The following ACOT9 variants were observed in gnomAD, a reference collection of about 807,000 sequenced individuals.
ACOT9 encodes the protein acyl-CoA thioesterase 9.
ACOT9 carries 34 observed loss-of-function variants against 39.7 expected under a neutral mutation model. That is an observed-to-expected ratio of 0.86 (90% CI 0.65 to 1.14). The LOEUF (loss-of-function observed/expected upper bound fraction) is 1.14, where lower values mean the gene tolerates loss of function less well. Among genes scored for constraint, ACOT9 ranks in the 50% most tolerant of loss-of-function variants. The pLI is 0.00. For missense variants in ACOT9, 313 were observed against 344.1 expected (o/e 0.91, Z 0.71); for synonymous variants, 110 against 120.5 (o/e 0.91, Z 0.57).
At chrX:23,722,264 T>C (rs1929344310) in intron 7 of ACOT9, among the ~76,000 whole-genome samples, 1 of 111,891 alleles carries the variant, frequency 8.9e-6, no homozygotes, top group Non-Finnish European at 1.9e-5. Context: ...CATATATACA[T>C]TAAAATTCCC....
chrX:23,702,786 G>A lies in ACOT9; in HGVS notation c.*1108C>T, dbSNP rs995456174. 1 of 111,794 alleles carries A rather than the reference G, an allele frequency of 8.9e-6. No individual in the cohort carries two copies. Among genetic ancestry groups the A allele is most frequent in the African/African-American group, 3.2e-5 (1 of 30,770 alleles). 9.2% of individuals were successfully genotyped at this position (111,794 alleles called of 1,213,427 possible). ...TCCCGAGTGGCCTAACCCTAAGGGG[G>A]GTTACAGAACCTGCCTCATAGTGTT... On this transcript the variant is annotated 3_prime_UTR_variant, in exon 16 of 16. Transcript: ENST00000379303.
intron 4 of ACOT9, among the ~76,000 whole-genome samples, chrX:23,732,705 G>A (rs1013103786): frequency 9.0e-6 from 1 of 111,027 alleles, no homozygotes; most frequent in Non-Finnish European, 1.9e-5. Context: ...GAAATACTGC[G>A]AGAAAGAGAA....
chrX:23,716,869 T>C (rs1278702855), intron 8 of ACOT9, among the ~76,000 whole-genome samples: 1 of 108,246 alleles, frequency 9.2e-6, no homozygotes, highest in Non-Finnish European at 1.9e-5. Context: ...GTACTTTTTT[T>C]TTTGAGACCG....
At chrX:23,725,850 A>G (rs1929501663) in intron 6 of ACOT9, among the ~76,000 whole-genome samples, 1 of 110,763 alleles carries the variant, frequency 9.0e-6, no homozygotes, top group African/African-American at 3.3e-5. Flanking sequence ...AAGATTTAAC[A>G]ATTTTATTGT....
Position 23,735,240 on chromosome X carries a change from C to CA in ACOT9, c.118+678dup, listed in dbSNP as rs35950361. Among the ~76,000 whole-genome samples, 173 of 29,142 alleles carry CA rather than the reference C, an allele frequency of 5.9e-3. 19 individuals are homozygous for CA. Among genetic ancestry groups the CA allele is most frequent in the Non-Finnish European group, 8.4e-3 (144 of 17,230 alleles). 25.3% of individuals were successfully genotyped at this position (29,142 alleles called of 115,157 possible). ...TGGGTGACAGAGCAAGACTCCATCCCAAAAAAAAAAAAAAAAAAAAAAAAA... is the reference window on the plus strand; with the variant it reads ...TGGGTGACAGAGCAAGACTCCATCCCAAAAAAAAAAAAAAAAAAAAAAAAAA... On this transcript the variant is annotated intron_variant, in intron 2 of 15. Transcript: ENST00000379303.
chrX:23,722,777 A>C, intron 6 of ACOT9, 24 bp from the exon 7 acceptor site: 1 of 1,030,948 alleles, frequency 9.7e-7, no homozygotes. Flanking sequence ...GGAGTGTACC[A>C]AATTTTAAAA....
chrX:23,738,277 T>C (rs1450684463), intron 1 of ACOT9, among the ~76,000 whole-genome samples: 1 of 110,465 alleles, frequency 9.1e-6, no homozygotes, highest in East Asian at 2.8e-4. Flanking sequence ...TATGCCTTAC[T>C]GAAGGAAACA....
chrX:23,723,804 C>T (rs1403118257), intron 6 of ACOT9, among the ~76,000 whole-genome samples: 2 of 110,651 alleles, frequency 1.8e-5, no homozygotes, highest in African/African-American at 6.6e-5. Flanking sequence ...GCAATAAACT[C>T]CATTTAAAAG....
chrX:23,735,313 G>A (rs1373232759), intron 2 of ACOT9, among the ~76,000 whole-genome samples: 1 of 103,014 alleles, frequency 9.7e-6, no homozygotes, highest in African/African-American at 3.6e-5. Flanking sequence ...GACTACTGAT[G>A]CTCACTGACA....
chrX:23,725,144 T>C (rs912619707), intron 6 of ACOT9, among the ~76,000 whole-genome samples: 12 of 110,511 alleles, frequency 1.1e-4, no homozygotes, highest in African/African-American at 3.9e-4. Flanking sequence ...GTAATATAAA[T>C]GTAGTTTTTA....
At chrX:23,735,798 TATGA>T (rs771595211) in intron 2 of ACOT9, 117 bp downstream of exon 2, 14 of 529,697 alleles carry the variant, frequency 2.6e-5, no homozygotes, top group Admixed American at 2.1e-4. Flanking sequence ...ATGAAATGTT[TATGA>T]AAGATCTACC....
At chrX:23,718,733 G>A (rs1284605160) in intron 8 of ACOT9, among the ~76,000 whole-genome samples, 32 of 108,660 alleles carry the variant, frequency 2.9e-4, no homozygotes, top group African/African-American at 1.0e-3. Flanking sequence ...GTGAAACCCC[G>A]TCTGCACTAA....
intron 11 of ACOT9, 99 bp from the exon 12 acceptor site, chrX:23,705,957 G>A: frequency 1.3e-6 from 1 of 768,366 alleles, no homozygotes; most frequent in African/African-American, 2.0e-5. Context: ...TCAGACAACT[G>A]TGGCTCTGGA....
chrX:23,717,106 C>T (rs1191998014), intron 8 of ACOT9, among the ~76,000 whole-genome samples: 2 of 111,300 alleles, frequency 1.8e-5, no homozygotes, highest in Non-Finnish European at 3.8e-5. Flanking sequence ...TCGCCTGCCT[C>T]GGCCTCCCAA....
intron 1 of ACOT9, among the ~76,000 whole-genome samples, chrX:23,740,439 C>T (rs183327256): frequency 7.7e-4 from 85 of 110,846 alleles, no homozygotes; most frequent in African/African-American, 2.7e-3. Flanking sequence ...ATTTGGTATC[C>T]TATTTACTGA....
intron 8 of ACOT9, among the ~76,000 whole-genome samples, chrX:23,721,373 G>A (rs1246828627): frequency 1.8e-5 from 2 of 111,799 alleles, no homozygotes; most frequent in Non-Finnish European, 3.8e-5. Flanking sequence ...GATTACAGGC[G>A]TGAGCCACTG....
intron 11 of ACOT9, among the ~76,000 whole-genome samples, chrX:23,706,385 C>A (rs930929211): frequency 3.7e-5 from 4 of 108,920 alleles, no homozygotes; most frequent in Non-Finnish European, 7.6e-5. Context: ...CATGGAGAAA[C>A]CCCGTCTCTA....
At chrX:23,719,572 G>A (rs1337105520) in intron 8 of ACOT9, among the ~76,000 whole-genome samples, 1 of 110,224 alleles carries the variant, frequency 9.1e-6, no homozygotes, top group South Asian at 3.8e-4. Flanking sequence ...GGGTGGGCTG[G>A]GGGGGATGGT....
chrX:23,736,591 G>A (rs1929955269), intron 1 of ACOT9, among the ~76,000 whole-genome samples: 3 of 111,822 alleles, frequency 2.7e-5, no homozygotes, highest in African/African-American at 9.7e-5. Flanking sequence ...GGCTGAGGCA[G>A]GTAGACAGGT....
Sources: gnomAD v4.1 joint callset for allele counts (sites outside exome capture counted in the v4.1 genomes callset) on GRCh38, gnomAD v4.1.1 for gene constraint, MANE v1.5 for transcripts, NCBI Gene and HGNC (gene_info 2026-07-23, HGNC 2026-07-21) for gene names.